Variants in C1orf21 observed in about 807,000 individuals in gnomAD.
C1orf21 encodes the protein uncharacterized protein C1orf21.
A neutral mutation model predicts 18.7 loss-of-function variants in C1orf21; 3 were observed. The observed-to-expected ratio is 0.16, with a 90% CI of 0.07 to 0.42. C1orf21 has a LOEUF of 0.42. C1orf21 is among the 10% of genes least tolerant of loss of function. The pLI is 0.99. For missense variants in C1orf21, 104 were observed against 143.6 expected (o/e 0.72, Z 1.41); for synonymous variants, 41 against 46.4 (o/e 0.88, Z 0.47).
intron 1 of C1orf21, among the ~76,000 whole-genome samples, chr1:184,439,562 A>G (rs1165672846): frequency 1.3e-5 from 2 of 152,118 alleles, no homozygotes; most frequent in Admixed American, 6.6e-5. Context: ...AGACTTTGCA[A>G]TTTAGTTAAA....
intron 3 of C1orf21, among the ~76,000 whole-genome samples, chr1:184,517,008 T>C (rs1658240433): frequency 6.6e-6 from 1 of 152,238 alleles, no homozygotes; most frequent in Non-Finnish European, 1.5e-5. Flanking sequence ...AGGGGGCTTG[T>C]GTTTTCCGAA....
At chr1:184,455,224 C>T (rs1657180790) in intron 1 of C1orf21, among the ~76,000 whole-genome samples, 2 of 152,194 alleles carry the variant, frequency 1.3e-5, no homozygotes, top group African/African-American at 4.8e-5. Flanking sequence ...GCCTGAGTCT[C>T]TTAAAAGTCA....
At chr1:184,542,310 G>A (rs1242612825) in intron 3 of C1orf21, among the ~76,000 whole-genome samples, 2 of 152,134 alleles carry the variant, frequency 1.3e-5, no homozygotes, top group African/African-American at 4.8e-5. Flanking sequence ...AAGGTTTTTC[G>A]TATCCTTATT....
chr1:184,558,061 G>A (rs990952528), intron 3 of C1orf21, among the ~76,000 whole-genome samples: 5 of 152,130 alleles, frequency 3.3e-5, no homozygotes, highest in African/African-American at 9.7e-5. Context: ...CTGCTTTACC[G>A]TTTTGGTTTT....
At chr1:184,466,417 G>C (rs1057219605) in intron 1 of C1orf21, among the ~76,000 whole-genome samples, 1 of 152,170 alleles carries the variant, frequency 6.6e-6, no homozygotes, top group Admixed American at 6.5e-5. Context: ...TGCCCTCCTG[G>C]GTCTCTTCTC....
chr1:184,449,375 G>A (rs897214802), intron 1 of C1orf21, among the ~76,000 whole-genome samples: 1 of 152,136 alleles, frequency 6.6e-6, no homozygotes, highest in Non-Finnish European at 1.5e-5. Context: ...CAAAGGACAT[G>A]AACTCATCAT....
intron 3 of C1orf21, among the ~76,000 whole-genome samples, chr1:184,582,348 A>G (rs1020690183): frequency 6.6e-6 from 1 of 152,240 alleles, no homozygotes; most frequent in Non-Finnish European, 1.5e-5. Context: ...TAGTTGTCAA[A>G]TTATTTTTTC....
intron 3 of C1orf21, among the ~76,000 whole-genome samples, chr1:184,515,304 T>C (rs1658207925): frequency 2.6e-5 from 4 of 152,176 alleles, no homozygotes; most frequent in Admixed American, 1.3e-4. Flanking sequence ...TTAAAATTGA[T>C]TTTTAAAAAG....
intron 1 of C1orf21, among the ~76,000 whole-genome samples, chr1:184,448,843 G>C (rs7540361): frequency 0.26 from 39,007 of 151,964 alleles, 6,656 homozygotes; most frequent in African/African-American, 0.49. Context: ...TTAAGTCCCT[G>C]CCTTTCTAAG....
chr1:184,387,989 A>G lies in C1orf21; in HGVS notation c.-125+621A>G, dbSNP rs1245703811. On this transcript the variant is annotated intron_variant, in intron 1 of 5. Transcript: ENST00000235307. This position sits in a 1 kb window ranked among gnomAD's most constrained non-coding sequence, Gnocchi z 5.6. ...TTATTCGTGCCCATGCGAGGCAGCC[A>G]GAGGGTGCTTGGTTATTGTACACGA... 2.6e-5 allele frequency among the ~76,000 whole-genome samples: 4 copies of G among 152,128 alleles called. No homozygotes were observed. Among genetic ancestry groups the G allele is most frequent in the African/African-American group, 4.8e-5 (2 of 41,428 alleles).
At chr1:184,441,402 G>T (rs1045662113) in intron 1 of C1orf21, among the ~76,000 whole-genome samples, 3 of 152,292 alleles carry the variant, frequency 2.0e-5, no homozygotes, top group Non-Finnish European at 2.9e-5. Context: ...TATCAGATCT[G>T]CCCCCAAATC....
intron 3 of C1orf21, among the ~76,000 whole-genome samples, chr1:184,583,361 T>G (rs746553158): frequency 3.9e-5 from 6 of 152,206 alleles, no homozygotes; most frequent in African/African-American, 9.7e-5. Flanking sequence ...AGGAAAAAAT[T>G]GTTTGATTTG....
intron 3 of C1orf21, among the ~76,000 whole-genome samples, chr1:184,563,745 G>A (rs1258712206): frequency 6.6e-6 from 1 of 152,194 alleles, no homozygotes; most frequent in Non-Finnish European, 1.5e-5. Flanking sequence ...TGGTTGGCTG[G>A]TTCGAGGAGA....
chr1:184,454,752 C>G (rs375192897), intron 1 of C1orf21, among the ~76,000 whole-genome samples: 1 of 151,998 alleles, frequency 6.6e-6, no homozygotes, highest in Admixed American at 6.6e-5. Context: ...TGAGGCCTCC[C>G]TAGAAGGTGG....
intron 3 of C1orf21, among the ~76,000 whole-genome samples, chr1:184,528,533 C>T (rs1441898944): frequency 6.6e-6 from 1 of 152,168 alleles, no homozygotes; most frequent in African/African-American, 2.4e-5. Context: ...CAACCTCTGC[C>T]TCCCAGGTTC....
At chr1:184,483,720 G>GTT (rs907511703) in intron 2 of C1orf21, among the ~76,000 whole-genome samples, 9 of 152,182 alleles carry the variant, frequency 5.9e-5, no homozygotes, top group Non-Finnish European at 8.8e-5. Flanking sequence ...TCCTTTGCTT[G>GTT]TTTTTGGTCT....
intron 5 of C1orf21, among the ~76,000 whole-genome samples, chr1:184,599,090 A>C (rs1310642979): frequency 1.3e-5 from 2 of 152,184 alleles, no homozygotes; most frequent in Non-Finnish European, 2.9e-5. Context: ...AGTAAGATAC[A>C]AAGTCGATCT....
At chr1:184,575,171 G>A (rs569794982) in intron 3 of C1orf21, among the ~76,000 whole-genome samples, 25 of 152,240 alleles carry the variant, frequency 1.6e-4, no homozygotes, top group Admixed American at 9.8e-4. Flanking sequence ...GCTAAATACC[G>A]TATTTCAATT....
chr1:184,419,059 G>T (rs944804756), intron 1 of C1orf21, among the ~76,000 whole-genome samples: 4 of 152,058 alleles, frequency 2.6e-5, no homozygotes, highest in Admixed American at 6.6e-5. Flanking sequence ...CTGTTGTTTG[G>T]TGCTGTTGAA....
Sources: gnomAD v4.1 joint callset for allele counts (sites outside exome capture counted in the v4.1 genomes callset) on GRCh38, gnomAD v4.1.1 for gene constraint, Gnocchi (gnomAD v3.1) non-coding constraint, MANE v1.5 for transcripts, NCBI Gene and HGNC (gene_info 2026-07-23, HGNC 2026-07-21) for gene names.